Variants in KLHL29 observed in about 807,000 individuals in gnomAD.
The protein encoded by KLHL29 is kelch-like protein 29.
KLHL29 carries 21 observed loss-of-function variants against 80.4 expected under a neutral mutation model. That is an observed-to-expected ratio of 0.26 (90% CI 0.19 to 0.38). KLHL29 has a LOEUF of 0.38. KLHL29 is among the 10% of genes least tolerant of loss of function. The pLI, the probability that KLHL29 is intolerant of heterozygous loss-of-function variation, is 1.00. For synonymous variants in KLHL29, 511 were observed against 526.8 expected (o/e 0.97, Z 0.41); for missense variants, 867 against 1,223.9 (o/e 0.71, Z 4.35).
chr2:23,623,197 C>T (rs1370980400), intron 3 of KLHL29, among the ~76,000 whole-genome samples: 2 of 152,110 alleles, frequency 1.3e-5, no homozygotes, highest in Non-Finnish European at 2.9e-5. Flanking sequence ...TCTTTCCTTC[C>T]CCACCCTGGG....
chr2:23,519,925 C>T, intron 2 of KLHL29, among the ~76,000 whole-genome samples: 1 of 152,020 alleles, frequency 6.6e-6, no homozygotes, highest in East Asian at 1.9e-4. Context: ...TCTCAGTGGG[C>T]AGAGGAACTT....
At chr2:23,453,988 C>T (rs1044246861) in intron 1 of KLHL29, among the ~76,000 whole-genome samples, 1 of 152,120 alleles carries the variant, frequency 6.6e-6, no homozygotes, top group Non-Finnish European at 1.5e-5. Flanking sequence ...GCCTTACACC[C>T]GGGACCCAAG....
chr2:23,446,047 C>G (rs1034077514), intron 1 of KLHL29, among the ~76,000 whole-genome samples: 2 of 152,072 alleles, frequency 1.3e-5, no homozygotes, highest in African/African-American at 4.8e-5. Flanking sequence ...TATATTTTTG[C>G]AATGCATTTA....
intron 3 of KLHL29, among the ~76,000 whole-genome samples, chr2:23,583,965 C>T (rs1668052033): frequency 6.6e-6 from 1 of 152,194 alleles, no homozygotes; most frequent in Admixed American, 6.5e-5. Flanking sequence ...CCGTTAAAGA[C>T]TGTGCTTTGA....
intron 2 of KLHL29, among the ~76,000 whole-genome samples, chr2:23,541,076 C>G (rs1244101770): frequency 1.3e-5 from 2 of 152,220 alleles, no homozygotes; most frequent in African/African-American, 4.8e-5. Flanking sequence ...AAAGATCCTA[C>G]TATCAGATAA....
intron 1 of KLHL29, among the ~76,000 whole-genome samples, chr2:23,397,337 C>G (rs1273266508): frequency 1.3e-5 from 2 of 152,226 alleles, no homozygotes; most frequent in Admixed American, 6.5e-5. Context: ...AGCTACGGCC[C>G]TGCTCAGGTT....
intron 3 of KLHL29, among the ~76,000 whole-genome samples, chr2:23,587,237 C>A (rs890916617): frequency 3.7e-5 from 4 of 108,410 alleles, no homozygotes; most frequent in Non-Finnish European, 7.0e-5. Context: ...CTTCCAAAGG[C>A]CAATTTACTT....
At chr2:23,454,259 G>A (rs1049149166) in intron 1 of KLHL29, among the ~76,000 whole-genome samples, 4 of 144,194 alleles carry the variant, frequency 2.8e-5, no homozygotes, top group African/African-American at 1.0e-4. Flanking sequence ...TCTGGACACA[G>A]CCTTGCCTCA....
chr2:23,472,065 T>A (rs1403674393), intron 1 of KLHL29, among the ~76,000 whole-genome samples: 4 of 137,782 alleles, frequency 2.9e-5, no homozygotes, highest in Non-Finnish European at 6.0e-5. Flanking sequence ...ACATGATGGG[T>A]GCTATGGACC....
At chr2:23,629,769 T>G (rs956082168) in intron 3 of KLHL29, among the ~76,000 whole-genome samples, 7 of 152,226 alleles carry the variant, frequency 4.6e-5, no homozygotes, top group African/African-American at 1.7e-4. Context: ...TATAGAAAGC[T>G]GGGTTCTATC....
Position 23,390,742 on chromosome 2 carries a change from C to G in KLHL29, c.-154+4962C>G, listed in dbSNP as rs368158772. Among the ~76,000 whole-genome samples the G allele has an allele frequency of 3.4e-4, 51 of 149,378 alleles. 4 individuals carry two copies. Among genetic ancestry groups the G allele is most frequent in the African/African-American group, 1.1e-3 (46 of 40,452 alleles). On this transcript the variant is annotated intron_variant, in intron 1 of 13. Coordinates refer to ENST00000486442, the MANE Select transcript of KLHL29 (RefSeq NM_052920.2). ...TCTTGGCTCGCTGCAACCCCTGCCTCCTGGGTTCATGAGATTCTCCTGCCT... is the reference window on the plus strand; with the variant it reads ...TCTTGGCTCGCTGCAACCCCTGCCTGCTGGGTTCATGAGATTCTCCTGCCT...
At chr2:23,540,172 G>A (rs761744274) in intron 2 of KLHL29, among the ~76,000 whole-genome samples, 1 of 151,796 alleles carries the variant, frequency 6.6e-6, no homozygotes, top group African/African-American at 2.4e-5. Context: ...CTGCAATCCC[G>A]CCCCCTGGTA....
At chr2:23,678,505 C>A (rs942458642) in intron 5 of KLHL29, among the ~76,000 whole-genome samples, 1 of 152,212 alleles carries the variant, frequency 6.6e-6, no homozygotes, top group African/African-American at 2.4e-5. Context: ...AATGAGTTGT[C>A]CCAGATGAGA....
At chr2:23,520,873 A>G (rs1666073252) in intron 2 of KLHL29, among the ~76,000 whole-genome samples, 2 of 152,176 alleles carry the variant, frequency 1.3e-5, no homozygotes, top group Non-Finnish European at 2.9e-5. Flanking sequence ...TTTCTCCCCA[A>G]ATATTATTGC....
chr2:23,507,152 G>T, intron 2 of KLHL29: 1 of 429,542 alleles, frequency 2.3e-6, no homozygotes, highest in South Asian at 1.7e-5. Context: ...AGCTGTTGGT[G>T]GCGCTCACTC....
At chr2:23,415,588 G>T (rs1192518081) in intron 1 of KLHL29, among the ~76,000 whole-genome samples, 2 of 152,150 alleles carry the variant, frequency 1.3e-5, no homozygotes, top group African/African-American at 4.8e-5. Flanking sequence ...TCCCAGAGCT[G>T]CCCCTTACTA....
intron 3 of KLHL29, among the ~76,000 whole-genome samples, chr2:23,606,185 A>G (rs369506237): frequency 2.1e-4 from 23 of 111,644 alleles, no homozygotes; most frequent in East Asian, 4.7e-4. Flanking sequence ...AGAGAGAGAG[A>G]GAGGGAGAGA....
intron 1 of KLHL29, among the ~76,000 whole-genome samples, chr2:23,391,107 A>G (rs1666312811): frequency 6.6e-6 from 1 of 152,206 alleles, no homozygotes; most frequent in Non-Finnish European, 1.5e-5. Flanking sequence ...CTGTTTATAC[A>G]TTCAACTACC....
rs148284609 is a variant in KLHL29, at chr2:23,443,810, T to A, written c.-153-31750T>A. Among the ~76,000 whole-genome samples the A allele has an allele frequency of 3.3e-5, 5 of 152,352 alleles. No homozygotes were observed. In the East Asian group the frequency reaches 9.6e-4, roughly 29 times the overall value. On this transcript the variant is annotated intron_variant, in intron 1 of 13. Coordinates refer to ENST00000486442, the MANE Select transcript of KLHL29 (RefSeq NM_052920.2). ...AGGGATGAACATGAGGCGATGCCAT[T>A]GTGAAGGTAGATTTTTTTCCTTCTG...
Sources: gnomAD v4.1 joint callset for allele counts (sites outside exome capture counted in the v4.1 genomes callset) on GRCh38, gnomAD v4.1.1 for gene constraint, MANE v1.5 for transcripts, NCBI Gene and HGNC (gene_info 2026-07-23, HGNC 2026-07-21) for gene names.